CCN4: variants seen among roughly 807,000 people sequenced by gnomAD.
CCN4 encodes the protein CCN family member 4.
A neutral mutation model predicts 36.7 loss-of-function variants in CCN4; 30 were observed. That is an observed-to-expected ratio of 0.82 (90% CI 0.61 to 1.11). The LOEUF is 1.11. CCN4 is among the 50% of genes least tolerant of loss of function. The probability of loss-of-function intolerance (pLI) is 0.00; values close to 1 mark genes in which losing one functional copy is unlikely to be tolerated. For missense variants in CCN4, 505 were observed against 504.9 expected, an observed-to-expected ratio of 1.00 and a Z score of 0.00; for synonymous variants, 191 against 195.4, an observed-to-expected ratio of 0.98 and a Z score of 0.19.
intron 1 of CCN4, among the ~76,000 whole-genome samples, chr8:133,206,745 G>A (rs1420252073): frequency 6.6e-6 from 1 of 152,190 alleles, no homozygotes; most frequent in Non-Finnish European, 1.5e-5. Context: ...GCTGCCAGTG[G>A]ATGGGCACAA....
Position 133,213,085 on chromosome 8 carries a change from G to C in CCN4, c.291G>C (p.Arg97=), listed in dbSNP as rs73711810. 2 of 1,614,062 alleles carry C rather than the reference G, an allele frequency of 1.2e-6. No individual in the cohort carries two copies. Among genetic ancestry groups the C allele is most frequent in the Admixed American group, 3.3e-5 (2 of 60,024 alleles). Residue 97 remains arginine (R), a synonymous_variant, in exon 2 of 5, where the codon CGG becomes CGC. Transcript: ENST00000250160. ...CTEAAICDPH[R]GLYCDYSGDR... ...AGGCTGCCATCTGTGACCCCCACCG[G>C]GGCCTCTACTGTGACTACAGCGGGG...
intron 4 of CCN4, among the ~76,000 whole-genome samples, chr8:133,225,865 G>A (rs905034349): frequency 1.6e-4 from 24 of 152,104 alleles, no homozygotes; most frequent in Non-Finnish European, 4.4e-5. Flanking sequence ...TAATGATTCT[G>A]AGGGATCCTT....
chr8:133,201,864 G>GAAA (rs1554740845), intron 1 of CCN4, among the ~76,000 whole-genome samples: 3 of 151,084 alleles, frequency 2.0e-5, no homozygotes, highest in African/African-American at 7.4e-5. Flanking sequence ...GAAAAGAAAA[G>GAAA]AAAAGAAAAA....
chr8:133,197,072 AATG>A (rs928835132), intron 1 of CCN4, among the ~76,000 whole-genome samples: 31 of 152,042 alleles, frequency 2.0e-4, no homozygotes, highest in Middle Eastern at 3.4e-3. Context: ...AGGAGAAAGA[AATG>A]ATGATGATGA....
intron 1 of CCN4, among the ~76,000 whole-genome samples, chr8:133,203,052 G>A (rs1291700336): frequency 6.6e-6 from 1 of 152,348 alleles, no homozygotes; most frequent in East Asian, 1.9e-4. Context: ...GGCCGGCTCC[G>A]GCCATTCCTG....
At chr8:133,205,093 G>C (rs1853721043) in intron 1 of CCN4, among the ~76,000 whole-genome samples, 1 of 152,220 alleles carries the variant, frequency 6.6e-6, no homozygotes, top group Admixed American at 6.5e-5. Flanking sequence ...GGTATGGCAG[G>C]AGGAGTCTCA....
At chr8:133,212,174 T>C (rs925430264) in intron 1 of CCN4, among the ~76,000 whole-genome samples, 2 of 152,038 alleles carry the variant, frequency 1.3e-5, no homozygotes, top group African/African-American at 4.8e-5. Context: ...GGGGTCTCAT[T>C]GCCCTGACAG....
At chr8:133,192,630 C>T (rs757840356) in intron 1 of CCN4, among the ~76,000 whole-genome samples, 5 of 152,324 alleles carry the variant, frequency 3.3e-5, no homozygotes, top group Non-Finnish European at 4.4e-5. Flanking sequence ...GGAGCTAAGT[C>T]GCTGTTTATT....
intron 1 of CCN4, among the ~76,000 whole-genome samples, chr8:133,209,639 G>A (rs1853918337): frequency 1.3e-5 from 2 of 152,248 alleles, no homozygotes; most frequent in African/African-American, 4.8e-5. Flanking sequence ...ATGGAGACAG[G>A]AGGATGGATA....
chr8:133,194,437 T>G (rs1853245982), intron 1 of CCN4, among the ~76,000 whole-genome samples: 2 of 64,092 alleles, frequency 3.1e-5, no homozygotes, highest in African/African-American at 9.9e-5. Flanking sequence ...GTGGTATGTG[T>G]GTGTGGTGTG....
chr8:133,192,786 G>T (rs568747864), intron 1 of CCN4, among the ~76,000 whole-genome samples: 1 of 152,362 alleles, frequency 6.6e-6, no homozygotes, highest in East Asian at 1.9e-4. Flanking sequence ...GTTTAAGCAT[G>T]AGTCCAAGTA....
At chr8:133,195,621 G>A (rs965953891) in intron 1 of CCN4, among the ~76,000 whole-genome samples, 27 of 152,148 alleles carry the variant, frequency 1.8e-4, no homozygotes, top group African/African-American at 5.5e-4. Flanking sequence ...AGGCTGGCAC[G>A]AGGACGGCAC....
intron 2 of CCN4, among the ~76,000 whole-genome samples, chr8:133,217,493 C>T (rs901291969): frequency 2.0e-5 from 3 of 152,196 alleles, no homozygotes; most frequent in African/African-American, 4.8e-5. Context: ...TTCACCATCT[C>T]GCCTTTGATT....
chr8:133,225,426 G>A lies in CCN4; in HGVS notation c.647G>A (p.Cys216Tyr). 1 of 1,612,918 alleles carries A rather than the reference G, an allele frequency of 6.2e-7. No homozygotes were observed. Reference sequence around the variant, plus strand: ...GAGGTGGAGGCATGGCACAGGAACTGCATAGCCTACACAAGCCCCTGGAGC... The same window carrying A: ...GAGGTGGAGGCATGGCACAGGAACTACATAGCCTACACAAGCCCCTGGAGC... Reference protein sequence around the residue: ...VGEVEAWHRNCIAYTSPWSPC... With the variant: ...VGEVEAWHRNYIAYTSPWSPC... The change falls in exon 4 of 5, where the codon TGC becomes TAC. Residue 216 changes from cysteine (C) to tyrosine (Y), a missense_variant. Physicochemically the swap from Cys to Tyr is radical, Grantham distance 194 (BLOSUM62 -2). Coordinates refer to ENST00000250160, the MANE Select transcript of CCN4 (RefSeq NM_003882.4).
intron 1 of CCN4, among the ~76,000 whole-genome samples, chr8:133,201,891 G>A (rs1429779237): frequency 6.6e-6 from 1 of 151,414 alleles, no homozygotes; most frequent in Non-Finnish European, 1.5e-5. Flanking sequence ...TACATGTGTG[G>A]GGAAAATGGA....
At chr8:133,206,149 C>G (rs950498029) in intron 1 of CCN4, among the ~76,000 whole-genome samples, 2 of 152,202 alleles carry the variant, frequency 1.3e-5, no homozygotes, top group Non-Finnish European at 2.9e-5. Flanking sequence ...AGCCACAGCT[C>G]TGACCCAGAG....
In CCN4 at chr8:133,212,974, C is replaced by T; in HGVS notation, c.180C>T (p.Pro60=). The T allele has an allele frequency of 1.2e-6, 2 of 1,614,132 alleles. No individual in the cohort carries two copies. The highest frequency in any genetic ancestry group is 1.7e-6 in the Non-Finnish European group (2 of 1,180,002). ...KWPCECPPSP[P]RCPLGVSLIT... ...CATGTGAGTGCCCGCCATCCCCACCCCGCTGCCCGCTGGGGGTCAGCCTCA... is the reference window on the plus strand; with the variant it reads ...CATGTGAGTGCCCGCCATCCCCACCTCGCTGCCCGCTGGGGGTCAGCCTCA... Residue 60 remains proline (P), a synonymous_variant, in exon 2 of 5, where the codon CCC becomes CCT. Transcript: ENST00000250160.
At chr8:133,196,463 C>T (rs372807493) in intron 1 of CCN4, among the ~76,000 whole-genome samples, 13 of 152,300 alleles carry the variant, frequency 8.5e-5, no homozygotes, top group East Asian at 7.7e-4. Flanking sequence ...TCATCTGTTT[C>T]GTATTACTTT....
chr8:133,215,240 T>C (rs1223791084), intron 2 of CCN4, among the ~76,000 whole-genome samples: 1 of 152,170 alleles, frequency 6.6e-6, no homozygotes, highest in Non-Finnish European at 1.5e-5. Context: ...GGAATGAGGA[T>C]CTAGTCCTTT....
Sources: gnomAD v4.1 joint callset for allele counts (sites outside exome capture counted in the v4.1 genomes callset) on GRCh38, gnomAD v4.1.1 for gene constraint, MANE v1.5 for transcripts, NCBI Gene and HGNC (gene_info 2026-07-23, HGNC 2026-07-21) for gene names.